ZNF804B: variants seen among roughly 807,000 people sequenced by gnomAD.
ZNF804B encodes zinc finger 804B.
Under a neutral mutation model 101.4 loss-of-function variants are expected in ZNF804B, and 80 were observed. The observed-to-expected ratio is 0.79, with a 90% CI of 0.66 to 0.95. The LOEUF (loss-of-function observed/expected upper bound fraction) is 0.95. Among genes scored for constraint, ZNF804B ranks in the 40% least tolerant of loss-of-function variants. The probability of loss-of-function intolerance (pLI) is 0.00; values close to 1 mark genes in which losing one functional copy is unlikely to be tolerated. For synonymous variants in ZNF804B, 622 were observed against 558.8 expected, an observed-to-expected ratio of 1.11 and a Z score of -1.59; for missense variants, 1,673 against 1,561.9, an observed-to-expected ratio of 1.07 and a Z score of -1.20.
At chr7:88,791,060 G>A (rs1424073060) in intron 1 of ZNF804B, among the ~76,000 whole-genome samples, 1 of 152,064 alleles carries the variant, frequency 6.6e-6, no homozygotes, top group African/African-American at 2.4e-5. Flanking sequence ...CAGCAGATCT[G>A]TCTTTGAGAG....
At chr7:88,787,686 A>G (rs2115675494) in intron 1 of ZNF804B, among the ~76,000 whole-genome samples, 1 of 152,256 alleles carries the variant, frequency 6.6e-6, no homozygotes, top group East Asian at 1.9e-4. Context: ...TATCACTCTC[A>G]TTGTGCAGAT....
chr7:88,981,838 G>T (rs1315939341), intron 1 of ZNF804B, among the ~76,000 whole-genome samples: 1 of 151,840 alleles, frequency 6.6e-6, no homozygotes, highest in African/African-American at 2.4e-5. Flanking sequence ...TATCTCTCTG[G>T]GCCAAGAGGC....
At chr7:88,999,049 T>G (rs1412136880) in intron 1 of ZNF804B, among the ~76,000 whole-genome samples, 1 of 152,106 alleles carries the variant, frequency 6.6e-6, no homozygotes, top group East Asian at 1.9e-4. Flanking sequence ...CTAGCTCTTA[T>G]GTTCTTAGTT....
At chr7:89,150,451 A>C (rs1790856548) in intron 1 of ZNF804B, among the ~76,000 whole-genome samples, 1 of 152,090 alleles carries the variant, frequency 6.6e-6, no homozygotes, top group Non-Finnish European at 1.5e-5. Flanking sequence ...GTCTTGTTAG[A>C]AAAAGCATGG....
At chr7:89,000,098 G>A (rs1445095572) in intron 1 of ZNF804B, among the ~76,000 whole-genome samples, 1 of 151,880 alleles carries the variant, frequency 6.6e-6, no homozygotes, top group African/African-American at 2.4e-5. Flanking sequence ...CAATCCAGTT[G>A]TCTCATGAGG....
At chr7:89,332,232 AGAGTTC>A (rs1004673269) in intron 3 of ZNF804B, among the ~76,000 whole-genome samples, 7 of 151,766 alleles carry the variant, frequency 4.6e-5, no homozygotes, top group Admixed American at 4.0e-4. Context: ...TGATGACTCT[AGAGTTC>A]GATGCTGATT....
chr7:88,790,438 A>C (rs1382758078), intron 1 of ZNF804B, among the ~76,000 whole-genome samples: 1 of 151,942 alleles, frequency 6.6e-6, no homozygotes, highest in Non-Finnish European at 1.5e-5. Context: ...TGCACCCCTG[A>C]CAGGCCCTAG....
chr7:89,025,860 A>G (rs184287014), intron 1 of ZNF804B, among the ~76,000 whole-genome samples: 10 of 152,246 alleles, frequency 6.6e-5, no homozygotes, highest in Non-Finnish European at 1.5e-4. Flanking sequence ...TACTGAAATT[A>G]CGATTTTTAA....
intron 2 of ZNF804B, among the ~76,000 whole-genome samples, chr7:89,284,561 A>G (rs1790152705): frequency 6.6e-6 from 1 of 152,204 alleles, no homozygotes; most frequent in African/African-American, 2.4e-5. Flanking sequence ...AAGGAAACTC[A>G]CAAAGCCATC....
At chr7:88,890,658 A>G (rs1792201898) in intron 1 of ZNF804B, among the ~76,000 whole-genome samples, 1 of 152,146 alleles carries the variant, frequency 6.6e-6, no homozygotes, top group Non-Finnish European at 1.5e-5. Flanking sequence ...AAATTTTATT[A>G]ATGGAACCAC....
At chr7:89,133,870 G>A (rs910731217) in intron 1 of ZNF804B, among the ~76,000 whole-genome samples, 2 of 152,058 alleles carry the variant, frequency 1.3e-5, no homozygotes, top group Non-Finnish European at 2.9e-5. Flanking sequence ...TCTCCTTGGG[G>A]AACTCCAAGT....
intron 2 of ZNF804B, among the ~76,000 whole-genome samples, chr7:89,324,796 A>G (rs898968862): frequency 4.0e-5 from 6 of 151,644 alleles, no homozygotes; most frequent in Non-Finnish European, 8.8e-5. Context: ...TTGATTGGAT[A>G]CAAAATATTA....
intron 1 of ZNF804B, among the ~76,000 whole-genome samples, chr7:88,879,172 T>C (rs1454898820): frequency 1.3e-5 from 2 of 152,184 alleles, no homozygotes; most frequent in African/African-American, 2.4e-5. Context: ...ATTACTGATA[T>C]AAACATCTTT....
chr7:89,080,785 G>A (rs1344232825), intron 1 of ZNF804B, among the ~76,000 whole-genome samples: 1 of 151,920 alleles, frequency 6.6e-6, no homozygotes, highest in Non-Finnish European at 1.5e-5. Flanking sequence ...TAAATTTTAA[G>A]TGCATTTTGT....
intron 1 of ZNF804B, among the ~76,000 whole-genome samples, chr7:88,910,099 G>T (rs1201169818): frequency 6.6e-6 from 1 of 151,678 alleles, no homozygotes; most frequent in Non-Finnish European, 1.5e-5. Context: ...AACATAACCA[G>T]GGCAAAAAGT....
At chr7:89,223,606 A>ATTGATTATTTAT (rs1789037402) in intron 2 of ZNF804B, among the ~76,000 whole-genome samples, 2 of 146,764 alleles carry the variant, frequency 1.4e-5, no homozygotes, top group African/African-American at 5.0e-5. Context: ...AAAAATTAAG[A>ATTGATTATTTAT]TTATTTATTT....
chr7:88,886,116 A>G (rs1000224558), intron 1 of ZNF804B, among the ~76,000 whole-genome samples: 3 of 152,250 alleles, frequency 2.0e-5, no homozygotes, highest in South Asian at 4.1e-4. Flanking sequence ...GTTCAAAACA[A>G]TGGACCATAT....
At chr7:89,219,133 G>A (rs1021786955) in intron 2 of ZNF804B, among the ~76,000 whole-genome samples, 1 of 151,950 alleles carries the variant, frequency 6.6e-6, no homozygotes, top group Non-Finnish European at 1.5e-5. Flanking sequence ...AGGGTCAACT[G>A]TATGTAGGGA....
At chr7:89,155,964 GTCTC>G (rs994430990) in intron 1 of ZNF804B, among the ~76,000 whole-genome samples, 1 of 140,952 alleles carries the variant, frequency 7.1e-6, no homozygotes, top group South Asian at 2.3e-4. Flanking sequence ...TCCCTCCTCT[GTCTC>G]TCTCTCTTTC....
Sources: allele counts gnomAD v4.1 joint callset (sites outside exome capture counted in the v4.1 genomes callset), GRCh38; gene constraint gnomAD v4.1.1; transcripts MANE v1.5; gene names NCBI Gene and HGNC (gene_info 2026-07-23, HGNC 2026-07-21).